RB1CC1: variants seen among roughly 807,000 people sequenced by gnomAD.
The protein encoded by RB1CC1 is RB1-inducible coiled-coil protein 1.
Under a neutral mutation model 177.5 loss-of-function variants are expected in RB1CC1, and 46 were observed. The ratio of observed to expected loss-of-function variants is 0.26; its 90% CI spans 0.20 to 0.33. RB1CC1 has a LOEUF of 0.33. RB1CC1 is among the 10% of genes least tolerant of loss of function. The pLI, the probability that RB1CC1 is intolerant of heterozygous loss-of-function variation, is 1.00. For synonymous variants in RB1CC1, 666 were observed against 613.6 expected, an observed-to-expected ratio of 1.09 and a Z score of -1.26; for missense variants, 1,703 against 1,816.3, an observed-to-expected ratio of 0.94 and a Z score of 1.13.
chr8:52,676,875 A>C (rs1853180333), intron 5 of RB1CC1, among the ~76,000 whole-genome samples: 1 of 152,248 alleles, frequency 6.6e-6, no homozygotes, highest in Admixed American at 6.5e-5. Flanking sequence ...TGCCATCTCA[A>C]ATGTCACTGT....
chr8:52,703,118 A>T (rs926847159), intron 1 of RB1CC1, among the ~76,000 whole-genome samples: 1 of 143,368 alleles, frequency 7.0e-6, no homozygotes, highest in Admixed American at 7.0e-5. Context: ...ATCTTATATT[A>T]AAAAAAAAAA....
intron 6 of RB1CC1, among the ~76,000 whole-genome samples, chr8:52,674,748 G>A (rs1852936860): frequency 6.7e-6 from 1 of 149,620 alleles, no homozygotes; most frequent in Admixed American, 6.7e-5. Context: ...AGCCGCCTGG[G>A]TGACAGAGCA....
chr8:52,624,589 T>C lies in RB1CC1; in HGVS notation c.4707+128A>G, dbSNP rs1848251394. 5.3e-6 allele frequency: 4 copies of C among 761,110 alleles called. No individual in the cohort carries two copies. The South Asian group carries it at 6.8e-5, about 13-fold the overall frequency. The allele number at this position is 761,110 out of a possible 1,614,324, so 47.1% of individuals were successfully genotyped here. The stretch of plus-strand genomic sequence containing the variant: ...AATTGCCAGTTCAAACTCACTCTCA[T>C]TAAATTCAAGCTCTAACTGAAATGA... On this transcript the variant is annotated intron_variant, in intron 23 of 23. Coordinates refer to ENST00000025008, the MANE Select transcript of RB1CC1 (RefSeq NM_014781.5).
intron 20 of RB1CC1, among the ~76,000 whole-genome samples, chr8:52,633,983 G>A (rs57986088): frequency 0.17 from 26,438 of 152,120 alleles, 3,249 homozygotes; most frequent in East Asian, 0.65. Flanking sequence ...TGGGTGCAGC[G>A]GCACTCGCCT....
At chr8:52,712,560 A>G (rs1857148805) in intron 1 of RB1CC1, among the ~76,000 whole-genome samples, 1 of 152,032 alleles carries the variant, frequency 6.6e-6, no homozygotes, top group African/African-American at 2.4e-5. Context: ...CTGTCGTCCA[A>G]TAACAAACAT....
intron 22 of RB1CC1, among the ~76,000 whole-genome samples, chr8:52,626,982 G>A (rs1168806529): frequency 6.6e-6 from 1 of 152,108 alleles, no homozygotes; most frequent in East Asian, 1.9e-4. Context: ...TTGGGCCCAG[G>A]AGTTCAAGGC....
At chr8:52,635,420 T>C (rs969186173) in intron 19 of RB1CC1, among the ~76,000 whole-genome samples, 1 of 152,094 alleles carries the variant, frequency 6.6e-6, no homozygotes, top group Non-Finnish European at 1.5e-5. Context: ...TATCAGACAA[T>C]TACACTTGTA....
intron 1 of RB1CC1, among the ~76,000 whole-genome samples, chr8:52,700,308 G>C (rs1449217026): frequency 6.6e-6 from 1 of 151,256 alleles, no homozygotes; most frequent in Non-Finnish European, 1.5e-5. Context: ...TGGATTGCTT[G>C]AGATCAAGAG....
intron 18 of RB1CC1, among the ~76,000 whole-genome samples, chr8:52,638,859 A>T (rs1180252216): frequency 2.0e-5 from 3 of 152,140 alleles, no homozygotes; most frequent in Non-Finnish European, 4.4e-5. Context: ...CTGATTTAAA[A>T]TGCTACATGT....
intron 9 of RB1CC1, 76 bp from the exon 10 acceptor site, chr8:52,661,357 A>T (rs556616139): frequency 1.3e-6 from 2 of 1,551,660 alleles, no homozygotes; most frequent in Admixed American, 4.1e-5. Context: ...TAAGCTTACT[A>T]ACTTAGTTAA....
At chr8:52,712,826 T>C (rs1300152907) in intron 1 of RB1CC1, among the ~76,000 whole-genome samples, 1 of 152,188 alleles carries the variant, frequency 6.6e-6, no homozygotes, top group Non-Finnish European at 1.5e-5. Context: ...CATATTCTGT[T>C]ACAACAAATA....
intron 1 of RB1CC1, among the ~76,000 whole-genome samples, chr8:52,711,670 T>C (rs1278154056): frequency 6.6e-6 from 1 of 152,238 alleles, no homozygotes; most frequent in Non-Finnish European, 1.5e-5. Flanking sequence ...TTTCCAGCCA[T>C]GCTGGGTTTA....
chr8:52,661,726 G>A lies in RB1CC1; in HGVS notation c.1174-7C>T, dbSNP rs372095817. 4.6e-6 allele frequency: 7 copies of A among 1,526,934 alleles called. No homozygotes were observed. Among genetic ancestry groups the A allele is most frequent in the Middle Eastern group, 1.8e-4 (1 of 5,646 alleles). 94.6% of individuals were successfully genotyped at this position (1,526,934 alleles called of 1,614,324 possible). The stretch of plus-strand genomic sequence containing the variant: ...TCTGATTAGCTAAAAATCCCTTTGA[G>A]AAAAAAAATGTTTCAAAGGACATTA... On this transcript the variant is annotated splice_region_variant and splice_polypyrimidine_tract_variant and intron_variant, in intron 8 of 23. Coordinates refer to ENST00000025008, the MANE Select transcript of RB1CC1 (RefSeq NM_014781.5).
At chr8:52,645,966 A>G (rs1159170021) in intron 15 of RB1CC1, 99 bp from the exon 16 acceptor site, 3 of 1,166,708 alleles carry the variant, frequency 2.6e-6, no homozygotes, top group Non-Finnish European at 3.7e-6. Flanking sequence ...TAAGCTCAAT[A>G]ATGTAGCATG....
chr8:52,675,280 A>G (rs1241909189), intron 6 of RB1CC1, among the ~76,000 whole-genome samples: 1 of 152,220 alleles, frequency 6.6e-6, no homozygotes, highest in Non-Finnish European at 1.5e-5. Context: ...TTAAAAGGTT[A>G]CCCAAATTTA....
chr8:52,696,084 G>A lies in RB1CC1; in HGVS notation c.-166-9117C>T, dbSNP rs540960428. Among the ~76,000 whole-genome samples the A allele has an allele frequency of 2.2e-4, 34 of 152,196 alleles. 2 individuals are homozygous for A. In the South Asian group the frequency reaches 6.0e-3, roughly 27 times the overall value. On this transcript the variant is annotated intron_variant, in intron 1 of 23. Transcript: ENST00000025008. Reference sequence around the variant, plus strand: ...TTTCAGACGGAGTCTTGCTCTTGTCGCCCAGACTGGAGTGCAATGGCACAA... The same window carrying A: ...TTTCAGACGGAGTCTTGCTCTTGTCACCCAGACTGGAGTGCAATGGCACAA...
At chr8:52,703,361 T>G (rs924678635) in intron 1 of RB1CC1, among the ~76,000 whole-genome samples, 1 of 152,214 alleles carries the variant, frequency 6.6e-6, no homozygotes, top group African/African-American at 2.4e-5. Flanking sequence ...TAGATTCTTT[T>G]AATGTTTACT....
At chr8:52,645,951 T>G in intron 15 of RB1CC1, 84 bp from the exon 16 acceptor site, 1 of 1,290,358 alleles carries the variant, frequency 7.7e-7, no homozygotes, top group Non-Finnish European at 1.1e-6. Context: ...GAAATTTATC[T>G]TCCTTAAGCT....
intron 1 of RB1CC1, among the ~76,000 whole-genome samples, chr8:52,692,396 C>T (rs1014389621): frequency 6.6e-6 from 1 of 152,102 alleles, no homozygotes; most frequent in East Asian, 1.9e-4. Context: ...TTCCACTTTG[C>T]TTTTATTCTT....
Sources: gnomAD v4.1 joint callset for allele counts (sites outside exome capture counted in the v4.1 genomes callset) on GRCh38, gnomAD v4.1.1 for gene constraint, MANE v1.5 for transcripts, NCBI Gene and HGNC (gene_info 2026-07-23, HGNC 2026-07-21) for gene names.